BCKDHB: variants seen among roughly 807,000 people sequenced by gnomAD.
BCKDHB encodes the protein 2-oxoisovalerate dehydrogenase subunit beta, mitochondrial.
In BCKDHB, 41 loss-of-function variants were observed where a neutral mutation model predicts 48.5. The ratio of observed to expected loss-of-function variants is 0.85; its 90% CI spans 0.66 to 1.10. BCKDHB has a LOEUF of 1.10. Among genes scored for constraint, BCKDHB ranks in the 50% least tolerant of loss-of-function variants. The pLI is 0.00. For missense variants in BCKDHB, 496 were observed against 494.2 expected (o/e 1.00, Z -0.03); for synonymous variants, 201 against 174.8 (o/e 1.15, Z -1.18).
chr6:80,196,310 C>CTT, intron 6 of BCKDHB, among the ~76,000 whole-genome samples: 1 of 152,186 alleles, frequency 6.6e-6, no homozygotes, highest in East Asian at 1.9e-4. Context: ...TATACCTTTT[C>CTT]TTTCTTTATG....
intron 8 of BCKDHB, among the ~76,000 whole-genome samples, chr6:80,250,908 T>TA (rs1225389327): frequency 6.6e-6 from 1 of 152,168 alleles, no homozygotes; most frequent in Non-Finnish European, 1.5e-5. Context: ...TGATATAAAG[T>TA]GCTTAGTAGT....
chr6:80,190,426 A>G (rs1222081591), intron 6 of BCKDHB, among the ~76,000 whole-genome samples: 7 of 152,114 alleles, frequency 4.6e-5, no homozygotes, highest in South Asian at 2.1e-4. Flanking sequence ...ATCTACTATA[A>G]CAGTGGTTAT....
chr6:80,358,323 G>A, the BCKDHB span, among the ~76,000 whole-genome samples: 1 of 152,092 alleles, frequency 6.6e-6, no homozygotes, highest in Non-Finnish European at 1.5e-5. Context: ...ACATATGGGT[G>A]TGCATTTTTT....
chr6:80,175,498 A>G (rs774542538), intron 6 of BCKDHB, among the ~76,000 whole-genome samples: 22 of 152,318 alleles, frequency 1.4e-4, no homozygotes, highest in Admixed American at 5.9e-4. Context: ...TGTTTGAAAT[A>G]ATTCAGCTGT....
rs185041048 is a variant in BCKDHB at position 80,240,877 on chromosome 6, T to C, written c.952-32258T>C. Reference sequence around the variant, plus strand: ...CTTGGTTCCTTTCTCCCCGTCACTTTCAGGTACACCAATCAGACATAGATT... The same window carrying C: ...CTTGGTTCCTTTCTCCCCGTCACTTCCAGGTACACCAATCAGACATAGATT... On this transcript the variant is annotated intron_variant, in intron 8 of 9. Coordinates refer to ENST00000320393, the MANE Select transcript of BCKDHB (RefSeq NM_183050.4). 4.8e-4 allele frequency among the ~76,000 whole-genome samples: 73 copies of C among 152,340 alleles called. 1 individual carries two copies. Among genetic ancestry groups the C allele is most frequent in the Middle Eastern group, 3.4e-3 (1 of 294 alleles).
chr6:80,375,607 T>G, the BCKDHB span, among the ~76,000 whole-genome samples: 2 of 152,172 alleles, frequency 1.3e-5, no homozygotes, highest in Non-Finnish European at 2.9e-5. Context: ...CTCTGGTGCC[T>G]CCTTGATTAG....
At chr6:80,249,719 T>G (rs936866009) in intron 8 of BCKDHB, among the ~76,000 whole-genome samples, 1 of 152,172 alleles carries the variant, frequency 6.6e-6, no homozygotes, top group Non-Finnish European at 1.5e-5. Flanking sequence ...GTGATTTGAA[T>G]GTAAAAAGTT....
At chr6:80,382,776 A>T in the BCKDHB span, among the ~76,000 whole-genome samples, 2 of 152,234 alleles carry the variant, frequency 1.3e-5, no homozygotes, top group African/African-American at 4.8e-5. Context: ...ATATAATCAA[A>T]TAATTCTTAC....
In BCKDHB at chr6:80,129,217, C is replaced by T. The variant is rs371117671; in HGVS notation, c.331C>T (p.Arg111Ter). 8 of 1,609,824 alleles carry T rather than the reference C, an allele frequency of 5.0e-6. No individual in the cohort carries two copies. Among genetic ancestry groups the T allele is most frequent in the East Asian group, 4.5e-5 (2 of 44,814 alleles). The change falls in exon 3 of 10, where the codon CGA becomes TGA. Residue 111 changes from arginine (R) to a stop codon, truncating the protein, a stop_gained. Transcript: ENST00000320393. LOFTEE classifies it high-confidence loss of function. ...AGTCTTTAGATGCACTGTTGGCTTGCGAGACAAATATGGTAAGTAAATACC... is the reference window on the plus strand; with the variant it reads ...AGTCTTTAGATGCACTGTTGGCTTGTGAGACAAATATGGTAAGTAAATACC... Reference protein sequence around the residue: ...GGVFRCTVGLRDKYGKDRVFN... With the variant: ...GGVFRCTVGL
intron 9 of BCKDHB, among the ~76,000 whole-genome samples, chr6:80,304,816 A>G (rs1374980687): frequency 3.9e-5 from 6 of 152,142 alleles, no homozygotes; most frequent in Admixed American, 1.3e-4. Context: ...AAAGAAAACT[A>G]TACCATTTCA....
intron 8 of BCKDHB, among the ~76,000 whole-genome samples, chr6:80,233,755 A>G (rs1446626425): frequency 6.6e-6 from 1 of 152,210 alleles, no homozygotes; most frequent in Non-Finnish European, 1.5e-5. Flanking sequence ...GATCATCTAC[A>G]TACATCAGGT....
the BCKDHB span, among the ~76,000 whole-genome samples, chr6:80,382,191 T>A: frequency 9.8e-5 from 15 of 152,288 alleles, no homozygotes; most frequent in South Asian, 1.4e-3. Flanking sequence ...AACCATCAAA[T>A]CAGTTTAATA....
chr6:80,426,368 A>G, the BCKDHB span, among the ~76,000 whole-genome samples: 1 of 151,326 alleles, frequency 6.6e-6, no homozygotes, highest in South Asian at 2.1e-4. Context: ...CTTCTCTTTT[A>G]TTTGGGTTTA....
chr6:80,432,621 A>G, the BCKDHB span, among the ~76,000 whole-genome samples: 1 of 152,030 alleles, frequency 6.6e-6, no homozygotes, highest in Non-Finnish European at 1.5e-5. Context: ...ATTGGGTTAG[A>G]CATGCTCCTT....
Position 80,278,847 on chromosome 6 carries a change from G to A in BCKDHB, c.1038+5626G>A, listed in dbSNP as rs144221051. On this transcript the variant is annotated intron_variant, in intron 9 of 9. Transcript: ENST00000320393. ...GCCTTTCCCCATTCTTTCCTGGGACGTCTCAACCATTTGCATGGTTACTCT... is the reference window on the plus strand; with the variant it reads ...GCCTTTCCCCATTCTTTCCTGGGACATCTCAACCATTTGCATGGTTACTCT... Among the ~76,000 whole-genome samples, 20 of 152,226 alleles carry A rather than the reference G, an allele frequency of 1.3e-4. No homozygotes were observed. In the East Asian group the frequency reaches 2.7e-3, roughly 21 times the overall value.
At chr6:80,332,553 G>A (rs1039610471) in intron 9 of BCKDHB, among the ~76,000 whole-genome samples, 5 of 151,864 alleles carry the variant, frequency 3.3e-5, no homozygotes, top group Non-Finnish European at 7.4e-5. Context: ...CTATGTTTAT[G>A]TAAAATATTT....
the BCKDHB span, among the ~76,000 whole-genome samples, chr6:80,388,680 C>T: frequency 1.3e-5 from 2 of 152,200 alleles, no homozygotes; most frequent in Non-Finnish European, 2.9e-5. Context: ...TGCCACCCTG[C>T]CTTCTCTCTC....
At chr6:80,425,196 C>G in the BCKDHB span, among the ~76,000 whole-genome samples, 2 of 152,036 alleles carry the variant, frequency 1.3e-5, no homozygotes, top group Admixed American at 1.3e-4. Flanking sequence ...ATGACTAAGC[C>G]CTGTGTAAGG....
chr6:80,284,620 T>G (rs552012679), intron 9 of BCKDHB, among the ~76,000 whole-genome samples: 2 of 152,254 alleles, frequency 1.3e-5, no homozygotes, highest in African/African-American at 4.8e-5. Flanking sequence ...AGTCTATTTG[T>G]CTTTATCAAA....
Sources: gnomAD v4.1 joint callset for allele counts (sites outside exome capture counted in the v4.1 genomes callset) on GRCh38, gnomAD v4.1.1 for gene constraint, MANE v1.5 for transcripts, NCBI Gene and HGNC (gene_info 2026-07-23, HGNC 2026-07-21) for gene names.